The following SCN7A variants were observed in gnomAD, a reference collection of about 807,000 sequenced individuals.
SCN7A encodes the protein sodium channel protein type 7 subunit alpha.
Under a neutral mutation model 155.2 loss-of-function variants are expected in SCN7A, and 138 were observed. That is an observed-to-expected ratio of 0.89 (90% CI 0.77 to 1.02). SCN7A has a LOEUF of 1.02. Ranked by LOEUF, SCN7A falls within the 50% of genes least tolerant of loss-of-function variation. The probability of loss-of-function intolerance (pLI) is 0.00; values close to 1 mark genes in which losing one functional copy is unlikely to be tolerated. For missense variants in SCN7A, 2,058 were observed against 1,986.6 expected, an observed-to-expected ratio of 1.04 and a Z score of -0.68; for synonymous variants, 693 against 649.0, an observed-to-expected ratio of 1.07 and a Z score of -1.03.
At chr2:166,407,400 T>C (rs1701098607) in intron 25 of SCN7A, among the ~76,000 whole-genome samples, 1 of 151,970 alleles carries the variant, frequency 6.6e-6, no homozygotes, top group African/African-American at 2.4e-5. Context: ...GAATGTAGTT[T>C]ATTTTGAGTT....
intron 21 of SCN7A, among the ~76,000 whole-genome samples, chr2:166,413,920 T>C (rs1461581093): frequency 7.3e-6 from 1 of 136,534 alleles, no homozygotes; most frequent in Non-Finnish European, 1.5e-5. Context: ...TGGGACCCTG[T>C]GATCATTGAT....
intron 18 of SCN7A, among the ~76,000 whole-genome samples, chr2:166,427,156 C>A (rs76747616): frequency 6.6e-6 from 1 of 152,056 alleles, no homozygotes; most frequent in Middle Eastern, 3.2e-3. Flanking sequence ...TTTAAAATAG[C>A]TGCACAGAGT....
intron 12 of SCN7A, among the ~76,000 whole-genome samples, chr2:166,446,493 C>T (rs934067182): frequency 1.3e-5 from 2 of 152,110 alleles, no homozygotes; most frequent in African/African-American, 4.8e-5. Flanking sequence ...CCAGAAATAC[C>T]ATTTGACCCA....
In SCN7A at chr2:166,441,648, GAAC is replaced by G. The variant is rs1464127516; in HGVS notation, c.1902_1904del (p.Leu634del). 1 of 1,613,812 alleles carries G rather than the reference GAAC, an allele frequency of 6.2e-7. No homozygotes were observed. The highest frequency in any genetic ancestry group is 1.1e-5 in the South Asian group (1 of 91,060). ...ATGCAGCAGAAAAGAAGATGAATGT[GAAC>G]AACAACAGGACCAAGTCTTTCAGGG... On this transcript the variant is annotated inframe_deletion, in exon 15 of 26. Coordinates refer to ENST00000643258, the MANE Select transcript of SCN7A (RefSeq NM_002976.4).
chr2:166,456,124 G>A (rs774231406), intron 11 of SCN7A, among the ~76,000 whole-genome samples: 6 of 152,028 alleles, frequency 3.9e-5, no homozygotes, highest in African/African-American at 7.3e-5. Flanking sequence ...ACCAAACACC[G>A]CATGTTCTCA....
At chr2:166,442,819 A>C (rs1401001522) in intron 14 of SCN7A, among the ~76,000 whole-genome samples, 1 of 152,120 alleles carries the variant, frequency 6.6e-6, no homozygotes, top group African/African-American at 2.4e-5. Context: ...TCCTGTATAT[A>C]TTTCTCTTAT....
chr2:166,439,051 G>T (rs897402610), intron 15 of SCN7A, among the ~76,000 whole-genome samples: 1 of 67,496 alleles, frequency 1.5e-5, no homozygotes, highest in Non-Finnish European at 2.7e-5. Context: ...ATGTGTGTGT[G>T]TGTGTATATA....
rs1156387584 is a variant in SCN7A, at chr2:166,413,167, A to G, written c.3415-46T>C. On this transcript the variant is annotated intron_variant, in intron 21 of 25. Coordinates refer to ENST00000643258, the MANE Select transcript of SCN7A (RefSeq NM_002976.4). Reference sequence around the variant, plus strand: ...TAAAATTTATGCTTCCTGGCAAATAAAAAGTAAAATCTCAGTCTCTTATTA... The same window carrying G: ...TAAAATTTATGCTTCCTGGCAAATAGAAAGTAAAATCTCAGTCTCTTATTA... 3 of 1,197,132 alleles carry G rather than the reference A, an allele frequency of 2.5e-6. No individual in the cohort carries two copies. In the South Asian group the frequency reaches 4.3e-5, roughly 17 times the overall value. 74.2% of individuals were successfully genotyped at this position (1,197,132 alleles called of 1,614,324 possible). A position where few individuals can be genotyped will look rare whatever the true frequency, so the allele number is the denominator to read the frequency against.
At chr2:166,439,469 G>T (rs893218210) in intron 15 of SCN7A, among the ~76,000 whole-genome samples, 8 of 152,134 alleles carry the variant, frequency 5.3e-5, no homozygotes, top group Middle Eastern at 3.4e-3. Flanking sequence ...TAAAACAGAA[G>T]ATACTAGCTA....
chr2:166,485,919 G>A (rs1703036201), intron 2 of SCN7A, among the ~76,000 whole-genome samples: 1 of 152,156 alleles, frequency 6.6e-6, no homozygotes, highest in Non-Finnish European at 1.5e-5. Context: ...TTAAATCCTT[G>A]ACCAAAAATT....
In SCN7A at chr2:166,409,853, G is replaced by T; in HGVS notation, c.3794C>A (p.Ala1265Glu). 6.4e-7 allele frequency: 1 copy of T among 1,570,552 alleles called. No individual in the cohort carries two copies. Among genetic ancestry groups the T allele is most frequent in the East Asian group, 2.3e-5 (1 of 43,056 alleles). The change falls in exon 25 of 26, where the codon GCA becomes GAA. Residue 1265 changes from alanine to glutamate, a missense_variant. Coordinates refer to ENST00000643258, the MANE Select transcript of SCN7A (RefSeq NM_002976.4). The part of the protein sequence containing the change: ...VIVMVLICFQ[A>E]IAMMIDTDVQ... ...ATCAGTGTCTATCATCATGGCTATT[G>T]CTTGGAAACATATAAGAACCATAAC...
chr2:166,462,990 T>C (rs1702448350), intron 9 of SCN7A, among the ~76,000 whole-genome samples: 1 of 152,200 alleles, frequency 6.6e-6, no homozygotes, highest in Non-Finnish European at 1.5e-5. Flanking sequence ...GTATTAACTA[T>C]ATCTTTACTA....
chr2:166,488,929 C>A (rs577220172), intron 1 of SCN7A, among the ~76,000 whole-genome samples: 1 of 152,100 alleles, frequency 6.6e-6, no homozygotes, highest in Non-Finnish European at 1.5e-5. Context: ...TGAGCCACTG[C>A]GCCCGACCAA....
chr2:166,479,112 CA>C (rs1702864618), intron 2 of SCN7A, among the ~76,000 whole-genome samples: 1 of 152,058 alleles, frequency 6.6e-6, no homozygotes, highest in African/African-American at 2.4e-5. Context: ...TTTTCTCTCA[CA>C]ATGCTGGCAC....
chr2:166,421,333 T>A (rs779302528), intron 19 of SCN7A, 36 bp from the exon 20 acceptor site: 149 of 1,137,950 alleles, frequency 1.3e-4, no homozygotes, highest in Non-Finnish European at 1.7e-4. Flanking sequence ...TGAATAGGAT[T>A]CCATATTAAT....
At chr2:166,458,162 C>T (rs1702325935) in intron 10 of SCN7A, among the ~76,000 whole-genome samples, 2 of 151,872 alleles carry the variant, frequency 1.3e-5, no homozygotes, top group African/African-American at 4.8e-5. Flanking sequence ...CCCATCTCTA[C>T]TAAAAATACA....
chr2:166,441,790 T>A (rs1470179820), intron 14 of SCN7A, 38 bp from the exon 15 acceptor site: 3 of 1,513,258 alleles, frequency 2.0e-6, no homozygotes, highest in Admixed American at 4.0e-5. Context: ...AAGAAACAAA[T>A]GACAAAAAAC....
intron 15 of SCN7A, chr2:166,440,458 G>A (rs957819816): frequency 2.6e-5 from 4 of 152,116 alleles, no homozygotes; most frequent in African/African-American, 9.7e-5. Flanking sequence ...CCTCCCACGT[G>A]ATGCCAATAT....
intron 11 of SCN7A, among the ~76,000 whole-genome samples, chr2:166,454,027 C>A (rs1702228488): frequency 6.6e-6 from 1 of 151,922 alleles, no homozygotes; most frequent in South Asian, 2.1e-4. Flanking sequence ...AAAATGGGAT[C>A]CAGAGCAGAA....
Sources: allele counts gnomAD v4.1 joint callset (sites outside exome capture counted in the v4.1 genomes callset), GRCh38; gene constraint gnomAD v4.1.1; transcripts MANE v1.5; gene names NCBI Gene and HGNC (gene_info 2026-07-23, HGNC 2026-07-21).